The following DLGAP1 variants were observed in gnomAD, a reference collection of about 807,000 sequenced individuals.
The protein encoded by DLGAP1 is DLG associated protein 1, also known as disks large-associated protein 1.
In DLGAP1, 11 loss-of-function variants were observed where a neutral mutation model predicts 90.8. The observed-to-expected ratio is 0.12, with a 90% CI of 0.08 to 0.20. The LOEUF (loss-of-function observed/expected upper bound fraction) is 0.20, where lower values mean the gene tolerates loss of function less well. Among genes scored for constraint, DLGAP1 ranks in the 10% least tolerant of loss-of-function variants. DLGAP1 has a pLI of 1.00. For missense variants in DLGAP1, 1,050 were observed against 1,333.8 expected (o/e 0.79, Z 3.31); for synonymous variants, 558 against 540.7 (o/e 1.03, Z -0.44).
At chr18:3,731,679 G>C (rs1237351536) in intron 6 of DLGAP1, among the ~76,000 whole-genome samples, 2 of 151,872 alleles carry the variant, frequency 1.3e-5, no homozygotes. Flanking sequence ...AAAATGCTGG[G>C]ATTACAGGTG....
In DLGAP1 at chr18:3,534,312, T is replaced by G; in HGVS notation, c.2361A>C (p.Ser787=). The change falls in exon 10 of 13, where the codon TCA becomes TCC. Residue 787 remains serine, a synonymous_variant. Coordinates refer to ENST00000315677, the MANE Select transcript of DLGAP1 (RefSeq NM_004746.4). ...ACCAGTGGCCATCCCGGTGGCACAC[T>G]GACCTTTGCACGGCCTCCAGAGGGT... The part of the protein sequence containing the change: ...TEDPLEAVQR[S]VCHRDGHWFL... 6.2e-7 allele frequency: 1 copy of G among 1,614,208 alleles called. No homozygotes were observed.
intron 2 of DLGAP1, among the ~76,000 whole-genome samples, chr18:4,066,293 A>G (rs920214041): frequency 7.9e-5 from 12 of 152,310 alleles, no homozygotes; most frequent in African/African-American, 4.8e-5. Context: ...ATTGCAACAA[A>G]AGCAAAAGTA....
At chr18:3,652,917 A>G (rs1017561099) in intron 7 of DLGAP1, among the ~76,000 whole-genome samples, 2 of 152,258 alleles carry the variant, frequency 1.3e-5, no homozygotes, top group Non-Finnish European at 2.9e-5. Flanking sequence ...TGCCTGCTGG[A>G]ACACTCCCAC....
chr18:4,387,038 T>C (rs1216317377), intron 1 of DLGAP1, among the ~76,000 whole-genome samples: 3 of 152,184 alleles, frequency 2.0e-5, no homozygotes, highest in African/African-American at 4.8e-5. Flanking sequence ...TAAGTTAGTA[T>C]GGGGATGATG....
At chr18:4,397,662 C>T (rs566889876) in intron 1 of DLGAP1, among the ~76,000 whole-genome samples, 78 of 152,142 alleles carry the variant, frequency 5.1e-4, no homozygotes, top group South Asian at 6.2e-4. Flanking sequence ...TAAAACTGTC[C>T]TGAATCTGGA....
intron 4 of DLGAP1, among the ~76,000 whole-genome samples, chr18:3,821,110 C>A (rs1185734090): frequency 6.6e-6 from 1 of 151,998 alleles, no homozygotes; most frequent in Non-Finnish European, 1.5e-5. Flanking sequence ...CATAGCAAGA[C>A]CCCATCTCTA....
chr18:3,857,886 C>T (rs968239660), intron 4 of DLGAP1, among the ~76,000 whole-genome samples: 3 of 152,140 alleles, frequency 2.0e-5, no homozygotes, highest in Non-Finnish European at 4.4e-5. Context: ...CTTCCTCATC[C>T]ACCCCACTCA....
intron 7 of DLGAP1, among the ~76,000 whole-genome samples, chr18:3,712,486 A>G (rs1236302462): frequency 6.6e-6 from 1 of 152,014 alleles, no homozygotes; most frequent in Non-Finnish European, 1.5e-5. Flanking sequence ...CCCACAAGGC[A>G]CTCCTTACAG....
At chr18:3,699,029 G>C (rs1055460947) in intron 7 of DLGAP1, among the ~76,000 whole-genome samples, 3 of 151,948 alleles carry the variant, frequency 2.0e-5, no homozygotes, top group Non-Finnish European at 2.9e-5. Context: ...GGTTATTCTA[G>C]CTATCAATTC....
rs952319274 is a variant in DLGAP1 at position 4,042,801 on chromosome 18, T to C, written c.-158-37600A>G. Among the ~76,000 whole-genome samples, 7 of 152,332 alleles carry C rather than the reference T, an allele frequency of 4.6e-5. No homozygotes were observed. The South Asian group carries it at 1.2e-3, about 27-fold the overall frequency. ...ATAAAATTATGGTTCATAGCAACGA[T>C]GTATATCACTTCTTTTAATTTTTAA... On this transcript the variant is annotated intron_variant, in intron 2 of 12. Coordinates refer to ENST00000315677, the MANE Select transcript of DLGAP1 (RefSeq NM_004746.4).
At chr18:4,337,271 G>C (rs1670884300) in intron 1 of DLGAP1, among the ~76,000 whole-genome samples, 1 of 134,292 alleles carries the variant, frequency 7.4e-6, no homozygotes, top group Non-Finnish European at 1.5e-5. Flanking sequence ...TTGGTTCACT[G>C]TAACCTCTGC....
intron 1 of DLGAP1, among the ~76,000 whole-genome samples, chr18:4,221,159 C>T (rs1473630090): frequency 6.6e-6 from 1 of 152,108 alleles, no homozygotes; most frequent in Non-Finnish European, 1.5e-5. Context: ...CAATGCAAGA[C>T]TGTAACTTGA....
chr18:3,963,118 A>C (rs1415993894), intron 3 of DLGAP1, among the ~76,000 whole-genome samples: 2 of 151,864 alleles, frequency 1.3e-5, no homozygotes, highest in Non-Finnish European at 2.9e-5. Flanking sequence ...AGGATGGGGG[A>C]GACTGCTTTG....
At chr18:3,912,844 A>G (rs377169602) in intron 3 of DLGAP1, among the ~76,000 whole-genome samples, 44 of 152,148 alleles carry the variant, frequency 2.9e-4, no homozygotes, top group African/African-American at 1.0e-3. Context: ...TAATATTGTG[A>G]TTTGAAAAAG....
At position 3,496,154 on chromosome 18, in the gene DLGAP1, A is replaced by G. The variant is rs2049690858; in HGVS notation, c.*3031T>C. The G allele has an allele frequency of 6.6e-6, 1 of 152,236 alleles. No homozygotes were observed. Among genetic ancestry groups the G allele is most frequent in the Non-Finnish European group, 1.5e-5 (1 of 68,044 alleles). 9.4% of individuals were successfully genotyped at this position (152,236 alleles called of 1,614,324 possible). ...ATAAGCCTATGAAATTCCAATTCATAAAGCCATAAAAATGTTCCCACCCCT... is the reference window on the plus strand; with the variant it reads ...ATAAGCCTATGAAATTCCAATTCATGAAGCCATAAAAATGTTCCCACCCCT... On this transcript the variant is annotated 3_prime_UTR_variant, in exon 13 of 13. Coordinates refer to ENST00000315677, the MANE Select transcript of DLGAP1 (RefSeq NM_004746.4).
chr18:3,867,765 A>C, intron 4 of DLGAP1, among the ~76,000 whole-genome samples: 1 of 152,132 alleles, frequency 6.6e-6, no homozygotes, highest in Non-Finnish European at 1.5e-5. Flanking sequence ...GAATCTAATA[A>C]ATAAAACTTG....
At chr18:4,403,681 C>T (rs1414397795) in intron 1 of DLGAP1, among the ~76,000 whole-genome samples, 2 of 152,102 alleles carry the variant, frequency 1.3e-5, no homozygotes, top group Non-Finnish European at 2.9e-5. Flanking sequence ...TTCCTATGTG[C>T]ATGCAAATTT....
At chr18:3,739,687 T>TA (rs2062817206) in intron 6 of DLGAP1, among the ~76,000 whole-genome samples, 1 of 151,414 alleles carries the variant, frequency 6.6e-6, no homozygotes, top group Non-Finnish European at 1.5e-5. Flanking sequence ...GATGACAAGT[T>TA]AGTGGGTGCA....
rs918326079 is a variant in DLGAP1 at position 3,842,700 on chromosome 18, T to TA, written c.958-28428dup. ...CAAGATTGGCCCCATGTTTCAGCGT[T>TA]AAAAAAAAGCATAGATAGTGGTGCC... On this transcript the variant is annotated intron_variant, in intron 4 of 12. Coordinates refer to ENST00000315677, the MANE Select transcript of DLGAP1 (RefSeq NM_004746.4). Among the ~76,000 whole-genome samples the TA allele has an allele frequency of 1.2e-4, 18 of 151,556 alleles. No individual in the cohort carries two copies. The South Asian group carries it at 3.6e-3, about 30-fold the overall frequency.
Sources: allele counts gnomAD v4.1 joint callset (sites outside exome capture counted in the v4.1 genomes callset), GRCh38; gene constraint gnomAD v4.1.1; transcripts MANE v1.5; gene names NCBI Gene and HGNC (gene_info 2026-07-23, HGNC 2026-07-21).